Variants in HIPK1 observed in about 807,000 individuals in gnomAD.
The protein encoded by HIPK1 is homeodomain-interacting protein kinase 1.
A neutral mutation model predicts 117.1 loss-of-function variants in HIPK1; 28 were observed. The observed-to-expected ratio is 0.24, with a 90% CI of 0.18 to 0.33. The LOEUF is 0.33. Ranked by LOEUF, HIPK1 falls within the 10% of genes least tolerant of loss-of-function variation. HIPK1 has a pLI of 1.00. For missense variants in HIPK1, 1,122 were observed against 1,475.1 expected (o/e 0.76, Z 3.92); for synonymous variants, 605 against 562.5 (o/e 1.08, Z -1.07).
intron 2 of HIPK1, among the ~76,000 whole-genome samples, chr1:113,952,397 C>T (rs1186496128): frequency 6.6e-6 from 1 of 152,056 alleles, no homozygotes; most frequent in East Asian, 1.9e-4. Context: ...ATTTAATTGG[C>T]AAGACCTGAC....
intron 2 of HIPK1, among the ~76,000 whole-genome samples, chr1:113,951,508 A>AAAATG (rs1349105713): frequency 2.0e-5 from 3 of 152,228 alleles, no homozygotes; most frequent in Non-Finnish European, 4.4e-5. Context: ...GTTATGGATT[A>AAAATG]CCTTAGTCAT....
At chr1:113,953,459 G>A (rs2101307224) in intron 3 of HIPK1, among the ~76,000 whole-genome samples, 1 of 152,170 alleles carries the variant, frequency 6.6e-6, no homozygotes, top group Middle Eastern at 3.4e-3. Flanking sequence ...GGTCCGTTAA[G>A]GGAAAATGTT....
At chr1:113,939,152 C>T (rs1024700917) in intron 1 of HIPK1, among the ~76,000 whole-genome samples, 3 of 151,704 alleles carry the variant, frequency 2.0e-5, no homozygotes, top group Admixed American at 1.3e-4. Context: ...ACAGACATCC[C>T]TAATTTTTTT....
chr1:113,933,234 G>A (rs1304002400), intron 1 of HIPK1: 4 of 980,224 alleles, frequency 4.1e-6, no homozygotes, highest in African/African-American at 1.8e-5. Flanking sequence ...AGACTAGAAG[G>A]GTAAGTAAAA....
At chr1:113,950,892 A>G (rs1180005928) in intron 2 of HIPK1, among the ~76,000 whole-genome samples, 2 of 152,182 alleles carry the variant, frequency 1.3e-5, no homozygotes, top group African/African-American at 2.4e-5. Flanking sequence ...TGGAGGTAAT[A>G]CTTTTATTGC....
At chr1:113,959,146 G>A (rs911121320) in intron 8 of HIPK1, among the ~76,000 whole-genome samples, 1 of 152,118 alleles carries the variant, frequency 6.6e-6, no homozygotes, top group Non-Finnish European at 1.5e-5. Flanking sequence ...TACCCTGTGA[G>A]AATAAACCAG....
intron 1 of HIPK1, chr1:113,929,733 A>G: frequency 1.2e-6 from 1 of 863,330 alleles, no homozygotes; most frequent in Non-Finnish European, 1.4e-6. Context: ...CGGCGGCGGG[A>G]AGGGGCTGGG....
rs1415402447 is a variant in HIPK1, at chr1:113,962,407, C to G, written c.2072C>G (p.Pro691Arg). Residue 691 changes from proline to arginine, a missense_variant, in exon 9 of 16, where the codon CCA becomes CGA. Around this residue, in one of 6 missense-constraint regions of HIPK1, gnomAD observed 731 missense variants for 860.4 expected, o/e 0.85. Coordinates refer to ENST00000426820, the MANE Select transcript of HIPK1 (RefSeq NM_198268.3). Reference sequence around the variant, plus strand: ...GTACCCCAGGCACCAGCTGCTCAGCCACTACAGATTCAGTCAGGAGTTCTC... The same window carrying G: ...GTACCCCAGGCACCAGCTGCTCAGCGACTACAGATTCAGTCAGGAGTTCTC... ...PIVPQAPAAQPLQIQSGVLTQ... is the reference protein window; with the variant it reads ...PIVPQAPAAQRLQIQSGVLTQ... 1 of 1,613,924 alleles carries G rather than the reference C, an allele frequency of 6.2e-7. No homozygotes were observed. The highest frequency in any genetic ancestry group is 8.5e-7 in the Non-Finnish European group (1 of 1,179,890).
At chr1:113,932,632 G>C (rs1669973065) in intron 1 of HIPK1, among the ~76,000 whole-genome samples, 1 of 152,124 alleles carries the variant, frequency 6.6e-6, no homozygotes, top group African/African-American at 2.4e-5. Flanking sequence ...ACCTGCCTCG[G>C]CCTCCCAAAG....
At chr1:113,933,874 A>G (rs186637312) in intron 1 of HIPK1, among the ~76,000 whole-genome samples, 36 of 152,216 alleles carry the variant, frequency 2.4e-4, no homozygotes, top group Admixed American at 1.2e-3. Flanking sequence ...AAAGGGGGGA[A>G]GTTGAGAGTA....
chr1:113,971,497 C>G (rs1672819419), intron 14 of HIPK1, among the ~76,000 whole-genome samples: 1 of 152,206 alleles, frequency 6.6e-6, no homozygotes, highest in Non-Finnish European at 1.5e-5. Flanking sequence ...CTTGTTTAAT[C>G]CCTTCCTACA....
intron 1 of HIPK1, among the ~76,000 whole-genome samples, chr1:113,937,956 A>G (rs1156714895): frequency 3.3e-5 from 5 of 151,750 alleles, no homozygotes; most frequent in Non-Finnish European, 7.4e-5. Flanking sequence ...GTGCATTTTA[A>G]GGCAGGTTGA....
rs368795005 is a variant in HIPK1, at chr1:113,940,893, C to T, written c.510C>T (p.Ser170=). The T allele has an allele frequency of 6.4e-5, 103 of 1,613,956 alleles. No individual in the cohort carries two copies. Among genetic ancestry groups the T allele is most frequent in the South Asian group, 3.3e-4 (30 of 91,084 alleles). ...TTVTTKSSSS[S]GEGDYQLVQH... ...TGACCACAAAGAGTAGCAGTTCCAG[C>T]GGAGAAGGGGATTACCAGCTGGTCC... The change falls in exon 2 of 16, where the codon AGC becomes AGT. Residue 170 remains serine (S), a synonymous_variant. Coordinates refer to ENST00000426820, the MANE Select transcript of HIPK1 (RefSeq NM_198268.3).
At chr1:113,955,953 C>T (rs1381277680) in intron 5 of HIPK1, among the ~76,000 whole-genome samples, 1 of 151,908 alleles carries the variant, frequency 6.6e-6, no homozygotes, top group African/African-American at 2.4e-5. Flanking sequence ...ATTTATTGAG[C>T]GCCTATTATG....
Position 113,941,200 on chromosome 1 carries a change from C to G in HIPK1, c.817C>G (p.Gln273Glu). The G allele has an allele frequency of 6.2e-7, 1 of 1,614,218 alleles. No homozygotes were observed. Among genetic ancestry groups the G allele is most frequent in the African/African-American group, 1.3e-5 (1 of 75,060 alleles). Residue 273 changes from glutamine to glutamate, a missense_variant, in exon 2 of 16, where the codon CAG (glutamine) becomes GAG (glutamate). Gln to Glu is a conservative substitution (Grantham distance 29). This residue lies in a region of HIPK1 where 62 missense variants were observed against 121.5 expected (regional missense o/e 0.51). Transcript: ENST00000426820. The surrounding 1 kb of genome is among the most constrained non-coding windows in gnomAD (Gnocchi z 4.9). ...CTGCCTTGTTTTTGAAATGTTGGAG[C>G]AGAACTTATATGATTTTCTAAAGCA... ...HTCLVFEMLEQNLYDFLKQNK... is the reference protein window; with the variant it reads ...HTCLVFEMLEENLYDFLKQNK...
chr1:113,951,175 A>G, intron 2 of HIPK1: 2 of 935,404 alleles, frequency 2.1e-6, no homozygotes, highest in South Asian at 4.9e-5. Flanking sequence ...GTCATTTATT[A>G]TTATTGCTAT....
intron 4 of HIPK1, 96 bp downstream of exon 4, chr1:113,954,866 A>C: frequency 8.7e-7 from 1 of 1,151,364 alleles, no homozygotes; most frequent in Non-Finnish European, 1.3e-6. Context: ...TCAGGTAGAG[A>C]AGGGAAAGGA....
rs1344312571 is a variant in HIPK1 at position 113,951,499 on chromosome 1, T to A, written c.1077-1267T>A. ...GTGTTCGTATATATAAACGTCTGAG[T>A]TATGGATTACCTTAGTCATCTCTTT... On this transcript the variant is annotated intron_variant, in intron 2 of 15. Transcript: ENST00000426820. Among the ~76,000 whole-genome samples the A allele has an allele frequency of 2.0e-5, 3 of 152,178 alleles. No individual in the cohort carries two copies. The East Asian group carries it at 5.8e-4, about 29-fold the overall frequency.
chr1:113,957,476 A>G (rs987016493), intron 7 of HIPK1, among the ~76,000 whole-genome samples, 190 bp downstream of exon 7: 3 of 152,242 alleles, frequency 2.0e-5, no homozygotes, highest in Non-Finnish European at 4.4e-5. Context: ...ACTAAAGTTA[A>G]ATATAAAGGC....
Sources: gnomAD v4.1 joint callset for allele counts (sites outside exome capture counted in the v4.1 genomes callset) on GRCh38, gnomAD v4.1.1 for gene constraint, gnomAD v4.1.1 regional missense constraint, Gnocchi (gnomAD v3.1) non-coding constraint, MANE v1.5 for transcripts, NCBI Gene and HGNC (gene_info 2026-07-23, HGNC 2026-07-21) for gene names.